ATF6: variants seen among roughly 807,000 people sequenced by gnomAD.
The protein encoded by ATF6 is cyclic AMP-dependent transcription factor ATF-6 alpha.
ATF6 carries 53 observed loss-of-function variants against 83.6 expected under a neutral mutation model. That is an observed-to-expected ratio of 0.63 (90% CI 0.51 to 0.80). The LOEUF is 0.80. ATF6 is among the 30% of genes least tolerant of loss of function. The pLI is 0.00. For synonymous variants in ATF6, 288 were observed against 285.8 expected, an observed-to-expected ratio of 1.01 and a Z score of -0.08; for missense variants, 744 against 797.9, an observed-to-expected ratio of 0.93 and a Z score of 0.81.
intron 15 of ATF6, among the ~76,000 whole-genome samples, chr1:161,951,758 T>A (rs1053258929): frequency 1.3e-5 from 2 of 152,222 alleles, no homozygotes; most frequent in African/African-American, 4.8e-5. Context: ...AAATGTAATT[T>A]CTGGTTTCAC....
chr1:161,873,974 G>T (rs376922326), intron 14 of ATF6, among the ~76,000 whole-genome samples: 10 of 151,846 alleles, frequency 6.6e-5, no homozygotes, highest in Admixed American at 2.0e-4. Flanking sequence ...ATGTGATAAA[G>T]AAATTGTGAT....
At chr1:161,885,805 G>C (rs573199503) in intron 14 of ATF6, among the ~76,000 whole-genome samples, 145 of 152,154 alleles carry the variant, frequency 9.5e-4, no homozygotes, top group Non-Finnish European at 1.9e-3. Context: ...TTGTTCTCAA[G>C]GAATTTATTA....
rs1481240399 is a variant in ATF6 at position 161,962,538 on chromosome 1, A to G, written c.*3884A>G. ...CAGAAATGTATTACAGGAAAAACTT[A>G]TAATTGTATTTGACTTTCTAACACA... On this transcript the variant is annotated 3_prime_UTR_variant, in exon 16 of 16. Coordinates refer to ENST00000367942, the MANE Select transcript of ATF6 (RefSeq NM_007348.4). 6.6e-6 allele frequency: 1 copy of G among 152,232 alleles called. No individual in the cohort carries two copies. The allele number at this position is 152,232 out of a possible 1,614,324, so 9.4% of individuals were successfully genotyped here. A position where few individuals can be genotyped will look rare whatever the true frequency, so the allele number is the denominator to read the frequency against.
intron 14 of ATF6, among the ~76,000 whole-genome samples, chr1:161,880,285 A>G (rs541179573): frequency 1.3e-5 from 2 of 152,106 alleles, no homozygotes; most frequent in East Asian, 3.9e-4. Context: ...TTGACATATA[A>G]TAAACTGCAC....
In ATF6 at chr1:161,918,479, C is replaced by T. The variant is rs17416633; in HGVS notation, c.1804+6099C>T. Among the ~76,000 whole-genome samples, 1,512 of 152,166 alleles carry T rather than the reference C, an allele frequency of 9.9e-3. 8 individuals are homozygous for T. The highest frequency in any genetic ancestry group is 0.017 in the South Asian group (83 of 4,818). On this transcript the variant is annotated intron_variant, in intron 15 of 15. Transcript: ENST00000367942. The stretch of plus-strand genomic sequence containing the variant: ...TATAATTCTATAGGATTCTTCAAGA[C>T]CCAGAGATAAATTTCTTTGGCTTAT...
intron 15 of ATF6, 24 bp from the exon 16 acceptor site, chr1:161,958,422 C>A: frequency 6.4e-7 from 1 of 1,561,260 alleles, no homozygotes; most frequent in South Asian, 1.2e-5. Flanking sequence ...AATATTTATT[C>A]TTTGTGTATA....
At chr1:161,869,488 A>G (rs952758327) in intron 14 of ATF6, among the ~76,000 whole-genome samples, 2 of 151,916 alleles carry the variant, frequency 1.3e-5, no homozygotes, top group African/African-American at 2.4e-5. Context: ...CCATTTTCTT[A>G]TCTCCACTTT....
intron 8 of ATF6, among the ~76,000 whole-genome samples, chr1:161,820,702 G>C (rs1685733771): frequency 6.6e-6 from 1 of 152,070 alleles, no homozygotes; most frequent in Non-Finnish European, 1.5e-5. Context: ...GATCCGAGAT[G>C]ATGCCACTGC....
chr1:161,840,690 A>G (rs546571882), intron 9 of ATF6, among the ~76,000 whole-genome samples: 2 of 152,314 alleles, frequency 1.3e-5, no homozygotes, highest in East Asian at 3.9e-4. Context: ...AACAATTCTT[A>G]TAATACTTTT....
At chr1:161,813,049 C>T (rs1279104447) in intron 7 of ATF6, among the ~76,000 whole-genome samples, 1 of 151,914 alleles carries the variant, frequency 6.6e-6, no homozygotes. Flanking sequence ...GCAGCTCAGA[C>T]TTTAAATTAC....
chr1:161,912,176 TA>T, intron 14 of ATF6, 119 bp from the exon 15 acceptor site: 1 of 559,286 alleles, frequency 1.8e-6, no homozygotes, highest in Non-Finnish European at 3.0e-6. Flanking sequence ...CAACTTCAAA[TA>T]AAAACTATAA....
intron 15 of ATF6, among the ~76,000 whole-genome samples, chr1:161,946,245 TTGGCCTCCC>T (rs1380779393): frequency 6.6e-6 from 1 of 152,158 alleles, no homozygotes; most frequent in Non-Finnish European, 1.5e-5. Context: ...TCTGCCTGCT[TTGGCCTCCC>T]GAAGTGCTGG....
chr1:161,819,970 A>T, intron 8 of ATF6, 152 bp downstream of exon 8: 1 of 738,738 alleles, frequency 1.4e-6, no homozygotes, highest in Non-Finnish European at 2.0e-6. Context: ...TGCAGTAAGG[A>T]TAAAGCATTT....
At chr1:161,772,248 T>G (rs1162699763) in intron 1 of ATF6, among the ~76,000 whole-genome samples, 1 of 152,202 alleles carries the variant, frequency 6.6e-6, no homozygotes, top group African/African-American at 2.4e-5. Flanking sequence ...AGGTTTCTCT[T>G]GGATAAACCT....
At chr1:161,860,539 A>C (rs1252200455) in intron 13 of ATF6, among the ~76,000 whole-genome samples, 1 of 151,834 alleles carries the variant, frequency 6.6e-6, no homozygotes. Flanking sequence ...TTCCATCATA[A>C]TTTTGATGAA....
chr1:161,894,852 T>A (rs979283302), intron 14 of ATF6, among the ~76,000 whole-genome samples: 1 of 151,530 alleles, frequency 6.6e-6, no homozygotes, highest in African/African-American at 2.4e-5. Context: ...GCCTGTCCTA[T>A]TTTGTAGTCT....
At chr1:161,885,415 T>C (rs747895373) in intron 14 of ATF6, among the ~76,000 whole-genome samples, 8 of 152,256 alleles carry the variant, frequency 5.3e-5, no homozygotes, top group Middle Eastern at 3.4e-3. Context: ...GCCTGTTTTT[T>C]AGAACTAAGT....
chr1:161,776,266 C>A (rs900888733), intron 1 of ATF6, among the ~76,000 whole-genome samples: 1 of 152,184 alleles, frequency 6.6e-6, no homozygotes, highest in African/African-American at 2.4e-5. Flanking sequence ...ACTCAGCCTG[C>A]GTTTTCCATC....
In ATF6 at chr1:161,801,682, A is replaced by C. The variant is rs141923191; in HGVS notation, c.689-370A>C. 4.6e-5 allele frequency among the ~76,000 whole-genome samples: 7 copies of C among 152,332 alleles called. No homozygotes were observed. The East Asian group carries it at 1.2e-3, about 25-fold the overall frequency. On this transcript the variant is annotated intron_variant, in intron 6 of 15. Transcript: ENST00000367942. The stretch of plus-strand genomic sequence containing the variant: ...TTAGAATACATGACTCTCCATATTC[A>C]GTGTAAAAGATTTGTTATTTATAAT...
Sources: allele counts gnomAD v4.1 joint callset (sites outside exome capture counted in the v4.1 genomes callset), GRCh38; gene constraint gnomAD v4.1.1; transcripts MANE v1.5; gene names NCBI Gene and HGNC (gene_info 2026-07-23, HGNC 2026-07-21).